KASH5: variants seen among roughly 807,000 people sequenced by gnomAD.
KASH5 encodes protein KASH5.
In KASH5, 72 loss-of-function variants were observed where a neutral mutation model predicts 84.2. The ratio of observed to expected loss-of-function variants is 0.85; its 90% CI spans 0.71 to 1.04. The LOEUF is 1.04. Among genes scored for constraint, KASH5 ranks in the 50% least tolerant of loss-of-function variants. The pLI, the probability that KASH5 is intolerant of heterozygous loss-of-function variation, is 0.00. For missense variants in KASH5, 650 were observed against 701.0 expected, an observed-to-expected ratio of 0.93 and a Z score of 0.82; for synonymous variants, 260 against 279.1, an observed-to-expected ratio of 0.93 and a Z score of 0.68.
chr19:49,404,679 A>G (rs1217796242), intron 9 of KASH5, among the ~76,000 whole-genome samples: 2 of 152,194 alleles, frequency 1.3e-5, no homozygotes, highest in Non-Finnish European at 2.9e-5. Context: ...TTGGAATCAC[A>G]CAGATTTAGG....
rs1306452136 is a variant in KASH5, at chr19:49,413,041, C to T, written c.1328+15C>T. ...CCATCCATGTGGTAAGGAGCTGAGC[C>T]ATCCGTCTGCCTCAGGGTGACACCT... On this transcript the variant is annotated intron_variant, in intron 16 of 19. Coordinates refer to ENST00000447857, the MANE Select transcript of KASH5 (RefSeq NM_144688.5). 3.7e-6 allele frequency: 6 copies of T among 1,610,714 alleles called. No homozygotes were observed. The highest frequency in any genetic ancestry group is 5.1e-6 in the Non-Finnish European group (6 of 1,179,554).
At chr19:49,405,324 G>A (rs1974487669) in intron 9 of KASH5, among the ~76,000 whole-genome samples, 1 of 151,792 alleles carries the variant, frequency 6.6e-6, no homozygotes, top group Non-Finnish European at 1.5e-5. Flanking sequence ...AGGTGTGATG[G>A]CGTGTGCCCG....
rs1300479714 is a variant in KASH5 at position 49,399,058 on chromosome 19, G to A, written c.663G>A (p.Met221Ile). The A allele has an allele frequency of 1.3e-6, 2 of 1,551,722 alleles. No individual in the cohort carries two copies. The highest frequency in any genetic ancestry group is 1.7e-6 in the Non-Finnish European group (2 of 1,146,982). ...AGGCCCTGCAGTTTGCCAAGGCCAT[G>A]GATGAGGAGCTGGAGGACCTGAAGA... ...TQQALQFAKA[M>I]DEELEDLKTL... The change falls in exon 8 of 20, where the codon ATG becomes ATA. Residue 221 changes from methionine (M) to isoleucine (I), a missense_variant. Coordinates refer to ENST00000447857, the MANE Select transcript of KASH5 (RefSeq NM_144688.5). This position sits in a 1 kb window ranked among gnomAD's most constrained non-coding sequence, Gnocchi z 4.4.
chr19:49,408,869 C>T, intron 12 of KASH5, 98 bp from the exon 13 acceptor site: 2 of 1,294,252 alleles, frequency 1.5e-6, no homozygotes, highest in Non-Finnish European at 2.2e-6. Context: ...CCAAAGTAGT[C>T]AGGAAAGGGG....
intron 17 of KASH5, 169 bp downstream of exon 17, chr19:49,415,165 C>T (rs976171207): frequency 2.1e-5 from 15 of 714,024 alleles, no homozygotes; most frequent in African/African-American, 1.2e-4. Flanking sequence ...CTAATGAGAG[C>T]GATGGTGAGG....
chr19:49,405,342 A>G (rs1974488198), intron 9 of KASH5, among the ~76,000 whole-genome samples: 1 of 151,840 alleles, frequency 6.6e-6, no homozygotes, highest in African/African-American at 2.4e-5. Context: ...CCGTAATCCC[A>G]GCTACTCTGG....
At chr19:49,407,471 G>A in intron 11 of KASH5, 141 bp from the exon 12 acceptor site, 1 of 1,096,632 alleles carries the variant, frequency 9.1e-7, no homozygotes, top group Non-Finnish European at 1.4e-6. Flanking sequence ...AAGCCCTTCT[G>A]CCCGGTGCTC....
In KASH5 at chr19:49,395,744, G is replaced by A. The variant is rs549502155; in HGVS notation, c.336-25G>A. ...GACTGAGGGGCAGCTACAGTGGGGC[G>A]CTAAGCCTCATCCCTTTGATACAGG... On this transcript the variant is annotated intron_variant, in intron 4 of 19. Coordinates refer to ENST00000447857, the MANE Select transcript of KASH5 (RefSeq NM_144688.5). This position sits in a 1 kb window ranked among gnomAD's most constrained non-coding sequence, Gnocchi z 4.4. The A allele has an allele frequency of 3.2e-5, 49 of 1,550,704 alleles. No individual in the cohort carries two copies. The highest frequency in any genetic ancestry group is 1.5e-4 in the African/African-American group (11 of 73,190).
chr19:49,413,091 G>A (rs1253252080), intron 16 of KASH5, 65 bp downstream of exon 16: 1 of 1,489,670 alleles, frequency 6.7e-7, no homozygotes, highest in East Asian at 2.3e-5. Flanking sequence ...TACAGTAGGA[G>A]GACTGGATGT....
chr19:49,409,354 T>A (rs1974638479), intron 14 of KASH5, 71 bp downstream of exon 14: 1 of 1,478,876 alleles, frequency 6.8e-7, no homozygotes, highest in South Asian at 1.2e-5. Flanking sequence ...CCTACTCTGA[T>A]CCTCACACCA....
chr19:49,392,529 T>G (rs1974035477), intron 2 of KASH5, among the ~76,000 whole-genome samples: 1 of 152,076 alleles, frequency 6.6e-6, no homozygotes, highest in Non-Finnish European at 1.5e-5. Context: ...CAGTCCTGAG[T>G]TCTATTCCCA....
rs764875100 is a variant in KASH5, at chr19:49,417,292, G to A, written c.1547+26G>A. On this transcript the variant is annotated intron_variant, in intron 19 of 19. Transcript: ENST00000447857. This position sits in a 1 kb window ranked among gnomAD's most constrained non-coding sequence, Gnocchi z 5.2. ...GTGTGCCCCCAGGCGTCTCCAGAAG[G>A]AAGGAGGTGGTCTGACATTGGGAAG... is the stretch of plus-strand genomic sequence containing the variant. The A allele has an allele frequency of 1.2e-6, 2 of 1,601,108 alleles. No homozygotes were observed. The highest frequency in any genetic ancestry group is 3.4e-5 in the Admixed American group (2 of 58,102).
chr19:49,399,227 G>T lies in KASH5; in HGVS notation c.747+85G>T. ...GCGGCAGAGTGTGACTATGGAGTAG[G>T]AAGGGGCAGAGGTCACCTGGCTTTC... On this transcript the variant is annotated intron_variant, in intron 8 of 19. Transcript: ENST00000447857. The surrounding 1 kb of genome is among the most constrained non-coding windows in gnomAD (Gnocchi z 4.4). The T allele has an allele frequency of 8.2e-7, 1 of 1,219,032 alleles. No individual in the cohort carries two copies. Among genetic ancestry groups the T allele is most frequent in the Non-Finnish European group, 1.1e-6 (1 of 873,904 alleles). 75.5% of individuals were successfully genotyped at this position (1,219,032 alleles called of 1,614,324 possible). A position where few individuals can be genotyped will look rare whatever the true frequency, so the allele number is the denominator to read the frequency against.
In KASH5 at chr19:49,407,538, G is replaced by T. The variant is rs570753153; in HGVS notation, c.934-74G>T. 1.0e-4 allele frequency: 150 copies of T among 1,476,966 alleles called. 1 individual carries two copies. The Admixed American group carries it at 1.2e-3, about 11-fold the overall frequency. The allele number at this position is 1,476,966 out of a possible 1,614,324, so 91.5% of individuals were successfully genotyped here. On this transcript the variant is annotated intron_variant, in intron 11 of 19. Transcript: ENST00000447857. ...ACCCTGTCCCTTAACCCCCCAGCCAGTCCCCCCGCCACCACCACCCCCAGT... is the reference window on the plus strand; with the variant it reads ...ACCCTGTCCCTTAACCCCCCAGCCATTCCCCCCGCCACCACCACCCCCAGT...
chr19:49,401,780 G>A (rs1974367977), intron 9 of KASH5, among the ~76,000 whole-genome samples: 1 of 152,136 alleles, frequency 6.6e-6, no homozygotes, highest in Non-Finnish European at 1.5e-5. Context: ...TGTCCTACAT[G>A]TGCAGTGTTT....
intron 1 of KASH5, chr19:49,389,959 A>G: frequency 6.5e-6 from 1 of 153,186 alleles, no homozygotes; most frequent in Non-Finnish European, 1.5e-5. Flanking sequence ...TGGGGCCATG[A>G]TGAGGAGAGA....
chr19:49,406,119 A>T (rs1034284519), intron 9 of KASH5, among the ~76,000 whole-genome samples: 1 of 138,256 alleles, frequency 7.2e-6, no homozygotes, highest in Non-Finnish European at 1.5e-5. Flanking sequence ...CAAAAGCAAA[A>T]CTCTGGCTCA....
intron 9 of KASH5, among the ~76,000 whole-genome samples, chr19:49,402,880 G>A (rs754037062): frequency 1.3e-5 from 2 of 150,434 alleles, no homozygotes; most frequent in Non-Finnish European, 2.9e-5. Context: ...CAATCTACAC[G>A]ACATTCATTT....
chr19:49,409,859 C>G lies in KASH5; in HGVS notation c.1253C>G (p.Ala418Gly). ...GAGGAAACTGAGTTTCCATCTGAAG[C>G]CCCAGCTGGGGGACAGGTGAGCACA... ...TSEETEFPSE[A>G]PAGGQRNFQG... is the part of the protein sequence containing the mutation. Residue 418 changes from alanine (A) to glycine (G), a missense_variant, in exon 15 of 20, where the codon GCC becomes GGC. By Grantham distance (60) the Ala-to-Gly change is moderately conservative. Coordinates refer to ENST00000447857, the MANE Select transcript of KASH5 (RefSeq NM_144688.5). 1 of 1,613,790 alleles carries G rather than the reference C, an allele frequency of 6.2e-7. No individual in the cohort carries two copies. The highest frequency in any genetic ancestry group is 8.5e-7 in the Non-Finnish European group (1 of 1,179,770).
Sources: allele counts gnomAD v4.1 joint callset (sites outside exome capture counted in the v4.1 genomes callset), GRCh38; gene constraint gnomAD v4.1.1; non-coding constraint Gnocchi (gnomAD v3.1); transcripts MANE v1.5; gene names NCBI Gene and HGNC (gene_info 2026-07-23, HGNC 2026-07-21).